CLPB: variants seen among roughly 807,000 people sequenced by gnomAD.
CLPB encodes mitochondrial disaggregase.
CLPB carries 40 observed loss-of-function variants against 78.4 expected under a neutral mutation model. The ratio of observed to expected loss-of-function variants is 0.51; its 90% CI spans 0.40 to 0.66. The LOEUF (loss-of-function observed/expected upper bound fraction) is 0.66. Among genes scored for constraint, CLPB ranks in the 30% least tolerant of loss-of-function variants. The probability of loss-of-function intolerance (pLI) is 0.00; values close to 1 mark genes in which losing one functional copy is unlikely to be tolerated. For synonymous variants in CLPB, 333 were observed against 348.0 expected, an observed-to-expected ratio of 0.96 and a Z score of 0.48; for missense variants, 780 against 886.9, an observed-to-expected ratio of 0.88 and a Z score of 1.53.
At chr11:72,377,537 T>C (rs1274456068) in intron 4 of CLPB, among the ~76,000 whole-genome samples, 2 of 152,152 alleles carry the variant, frequency 1.3e-5, no homozygotes, top group Non-Finnish European at 2.9e-5. Flanking sequence ...TGTCTATCTC[T>C]CCCTATCTAC....
At chr11:72,427,019 A>G (rs1373481303) in intron 2 of CLPB, among the ~76,000 whole-genome samples, 2 of 152,246 alleles carry the variant, frequency 1.3e-5, no homozygotes, top group East Asian at 3.8e-4. Context: ...CCCAGCTGGG[A>G]GGAATCCAAG....
chr11:72,350,703 A>C (rs1950599310), intron 5 of CLPB, among the ~76,000 whole-genome samples: 1 of 152,200 alleles, frequency 6.6e-6, no homozygotes, highest in Non-Finnish European at 1.5e-5. Flanking sequence ...CCTCTACCAC[A>C]CTAGCTGTGG....
At chr11:72,314,565 C>A (rs1285432713) in intron 7 of CLPB, among the ~76,000 whole-genome samples, 3 of 152,100 alleles carry the variant, frequency 2.0e-5, no homozygotes, top group Admixed American at 6.5e-5. Context: ...AGACCAAATT[C>A]TTTAATTTAA....
chr11:72,308,034 A>C (rs1319506063), intron 8 of CLPB, among the ~76,000 whole-genome samples: 1 of 152,172 alleles, frequency 6.6e-6, no homozygotes, highest in Non-Finnish European at 1.5e-5. Context: ...AAGGGGTAAG[A>C]ATGCCTCGGA....
chr11:72,374,347 T>C (rs1951100895), intron 4 of CLPB, among the ~76,000 whole-genome samples: 1 of 152,268 alleles, frequency 6.6e-6, no homozygotes, highest in Non-Finnish European at 1.5e-5. Context: ...TTAAGTCATT[T>C]ACTCAAGATC....
At chr11:72,409,174 G>C (rs962425886) in intron 2 of CLPB, among the ~76,000 whole-genome samples, 2 of 152,160 alleles carry the variant, frequency 1.3e-5, no homozygotes, top group African/African-American at 4.8e-5. Flanking sequence ...GCTCACTCCA[G>C]ACTTGTGGAA....
intron 7 of CLPB, among the ~76,000 whole-genome samples, chr11:72,314,257 G>T (rs530672046): frequency 1.3e-5 from 2 of 152,212 alleles, no homozygotes; most frequent in East Asian, 3.9e-4. Flanking sequence ...CTAGGTGGAC[G>T]GAAGCTCGGG....
intron 2 of CLPB, among the ~76,000 whole-genome samples, chr11:72,409,926 G>A (rs779196704): frequency 6.6e-6 from 1 of 151,952 alleles, no homozygotes; most frequent in Non-Finnish European, 1.5e-5. Context: ...GCAGTGAGCC[G>A]GGATTGTGCC....
At chr11:72,407,812 A>G (rs1262231546) in intron 2 of CLPB, among the ~76,000 whole-genome samples, 1 of 152,020 alleles carries the variant, frequency 6.6e-6, no homozygotes, top group Non-Finnish European at 1.5e-5. Context: ...ACGCCCAGCT[A>G]ATTTTTTGTA....
chr11:72,307,117 TTCAGAGGG>T (rs1289220094), intron 9 of CLPB, 74 bp downstream of exon 9: 3 of 1,305,818 alleles, frequency 2.3e-6, no homozygotes, highest in Non-Finnish European at 3.3e-6. Context: ...TATTACTGAA[TTCAGAGGG>T]TCAGATTTTT....
At chr11:72,322,247 C>T (rs1950057093) in intron 6 of CLPB, among the ~76,000 whole-genome samples, 1 of 152,086 alleles carries the variant, frequency 6.6e-6, no homozygotes, top group Non-Finnish European at 1.5e-5. Flanking sequence ...CCAGTCCATC[C>T]TCCTTTTGCT....
At chr11:72,428,576 G>A (rs987062838) in intron 2 of CLPB, among the ~76,000 whole-genome samples, 19 of 152,284 alleles carry the variant, frequency 1.2e-4, no homozygotes, top group African/African-American at 4.6e-4. Context: ...TGGCTCTGTG[G>A]TCTTGTATGA....
chr11:72,332,315 T>C (rs1398956680), intron 5 of CLPB, among the ~76,000 whole-genome samples: 1 of 145,082 alleles, frequency 6.9e-6, no homozygotes, highest in African/African-American at 2.6e-5. Flanking sequence ...AAACCCCATC[T>C]CTACTAAAAA....
rs139584512 is a variant in CLPB, at chr11:72,434,471, G to C, written c.4C>G (p.Leu2Val). 8.5e-6 allele frequency: 13 copies of C among 1,536,892 alleles called. No individual in the cohort carries two copies. The highest frequency in any genetic ancestry group is 2.8e-5 in the African/African-American group (2 of 72,518). Residue 2 changes from leucine to valine, a missense_variant, in exon 1 of 16, where the codon CTG (leucine) becomes GTG (valine). Leu to Val is a conservative substitution (Grantham distance 32). Around this residue, in one of 3 missense-constraint regions of CLPB, gnomAD observed 417 missense variants for 414.7 expected, o/e 1.01. Coordinates refer to ENST00000538039, the MANE Select transcript of CLPB (RefSeq NM_001258392.3). MLGSLVLRRKAL... is the reference protein window; with the variant it reads MVGSLVLRRKAL... ...TTTCTCCTCAACACCAGGGACCCCAGCATCTTGACAGCTGCTTCGATAACC... is the reference window on the plus strand; with the variant it reads ...TTTCTCCTCAACACCAGGGACCCCACCATCTTGACAGCTGCTTCGATAACC...
Position 72,295,480 on chromosome 11 carries a change from C to A in CLPB, c.1486+12G>T. 6.2e-7 allele frequency: 1 copy of A among 1,612,988 alleles called. No homozygotes were observed. The highest frequency in any genetic ancestry group is 1.1e-5 in the South Asian group (1 of 90,932). ...GGTCACTGGACCAGACTGCTCAGGT[C>A]AGCCGCCATACCCAGGTTTTCGGCA... is the stretch of plus-strand genomic sequence containing the variant. On this transcript the variant is annotated intron_variant, in intron 12 of 15. Transcript: ENST00000538039.
At chr11:72,392,162 G>A (rs1855272908) in intron 3 of CLPB, among the ~76,000 whole-genome samples, 1 of 152,074 alleles carries the variant, frequency 6.6e-6, no homozygotes, top group Non-Finnish European at 1.5e-5. Context: ...ACAATGTTGA[G>A]CTTCAGAAGA....
intron 2 of CLPB, among the ~76,000 whole-genome samples, chr11:72,416,368 G>T (rs139411323): frequency 6.1e-4 from 93 of 152,154 alleles, no homozygotes; most frequent in African/African-American, 2.2e-3. Context: ...AAAGACAAAG[G>T]TCATCATGAT....
At chr11:72,387,659 TAAA>T (rs1222908564) in intron 3 of CLPB, among the ~76,000 whole-genome samples, 1 of 142,208 alleles carries the variant, frequency 7.0e-6, no homozygotes, top group Admixed American at 7.0e-5. Flanking sequence ...CCTGACACAT[TAAA>T]AAAAAAAAAG....
intron 4 of CLPB, among the ~76,000 whole-genome samples, chr11:72,361,857 G>C (rs1208609695): frequency 6.6e-6 from 1 of 152,206 alleles, no homozygotes; most frequent in East Asian, 1.9e-4. Flanking sequence ...ACATCCTAAT[G>C]CAAGAATCAG....
Sources: allele counts gnomAD v4.1 joint callset (sites outside exome capture counted in the v4.1 genomes callset), GRCh38; gene constraint gnomAD v4.1.1; regional missense constraint gnomAD v4.1.1; transcripts MANE v1.5; gene names NCBI Gene and HGNC (gene_info 2026-07-23, HGNC 2026-07-21).